MYLK: variants seen among roughly 807,000 people sequenced by gnomAD.
MYLK encodes myosin light chain kinase, smooth muscle.
A neutral mutation model predicts 203.4 loss-of-function variants in MYLK; 106 were observed. That is an observed-to-expected ratio of 0.52 (90% CI 0.45 to 0.61). The LOEUF (loss-of-function observed/expected upper bound fraction) is 0.61. Ranked by LOEUF, MYLK falls within the 20% of genes least tolerant of loss-of-function variation. The probability of loss-of-function intolerance (pLI) is 0.00; values close to 1 mark genes in which losing one functional copy is unlikely to be tolerated. For missense variants in MYLK, 2,072 were observed against 2,442.3 expected (o/e 0.85, Z 3.20); for synonymous variants, 867 against 959.5 (o/e 0.90, Z 1.78).
intron 2 of MYLK, among the ~76,000 whole-genome samples, chr3:123,869,413 A>AACC (rs1247304555): frequency 5.9e-5 from 9 of 152,244 alleles, no homozygotes; most frequent in African/African-American, 2.2e-4. Flanking sequence ...CCAGGTTCCT[A>AACC]TCCCAGTGAA....
intron 31 of MYLK, among the ~76,000 whole-genome samples, chr3:123,625,471 G>GA (rs35888792): frequency 4.3e-4 from 59 of 137,390 alleles, no homozygotes; most frequent in South Asian, 6.9e-4. Context: ...TTGTCTCGAG[G>GA]AAAAAAAAAA....
At chr3:123,684,524 G>A (rs2060381585) in intron 19 of MYLK, among the ~76,000 whole-genome samples, 1 of 152,022 alleles carries the variant, frequency 6.6e-6, no homozygotes, top group Admixed American at 6.6e-5. Flanking sequence ...GTAAAGAAAG[G>A]TGTACCCAGT....
chr3:123,670,875 T>C (rs2059893729), intron 20 of MYLK, among the ~76,000 whole-genome samples: 1 of 152,260 alleles, frequency 6.6e-6, no homozygotes, highest in Non-Finnish European at 1.5e-5. Context: ...CACAGAGGGT[T>C]CTGTTAGACA....
At chr3:123,844,132 A>G (rs963668353) in intron 2 of MYLK, among the ~76,000 whole-genome samples, 1 of 152,152 alleles carries the variant, frequency 6.6e-6, no homozygotes, top group Non-Finnish European at 1.5e-5. Flanking sequence ...CTTTAGTCAC[A>G]TAAGCCTCTC....
At chr3:123,656,629 C>T (rs952153166) in intron 24 of MYLK, among the ~76,000 whole-genome samples, 1 of 152,176 alleles carries the variant, frequency 6.6e-6, no homozygotes, top group African/African-American at 2.4e-5. Flanking sequence ...TGGAAAAATG[C>T]TCCATGCATT....
At chr3:123,723,505 C>G (rs917273176) in intron 12 of MYLK, among the ~76,000 whole-genome samples, 5 of 152,230 alleles carry the variant, frequency 3.3e-5, no homozygotes, top group Non-Finnish European at 5.9e-5. Flanking sequence ...CCAGTGTATT[C>G]CCTGACTGCC....
chr3:123,824,105 T>C (rs1560264625), intron 3 of MYLK, among the ~76,000 whole-genome samples: 3 of 151,942 alleles, frequency 2.0e-5, no homozygotes, highest in Admixed American at 6.6e-5. Context: ...TTTTTTTTTT[T>C]TGAGACGGAG....
At chr3:123,840,370 TTATATATATATA>T (rs56361020) in intron 2 of MYLK, among the ~76,000 whole-genome samples, 2 of 148,584 alleles carry the variant, frequency 1.3e-5, no homozygotes, top group Non-Finnish European at 3.0e-5. Flanking sequence ...CCTACAGACA[TTATATATATATA>T]TATATATATA....
At chr3:123,758,756 C>T (rs940834773) in intron 4 of MYLK, among the ~76,000 whole-genome samples, 1 of 152,178 alleles carries the variant, frequency 6.6e-6, no homozygotes, top group Non-Finnish European at 1.5e-5. Context: ...TTTTGATTCC[C>T]TTTTAATGAT....
chr3:123,871,011 AG>A (rs2032748053), intron 2 of MYLK, among the ~76,000 whole-genome samples: 1 of 152,150 alleles, frequency 6.6e-6, no homozygotes, highest in African/African-American at 2.4e-5. Context: ...TGGGAAGACC[AG>A]GCCACTGCTT....
At position 123,629,375 on chromosome 3, in the gene MYLK, G is replaced by A. The variant is rs1049493418; in HGVS notation, c.5114+99C>T. ...AATGCTAGGAACGACCCAAGGCGGG[G>A]TGGCAAGGAGGGCACCCCAACAGGC... is the stretch of plus-strand genomic sequence containing the variant. On this transcript the variant is annotated intron_variant, in intron 30 of 33. Transcript: ENST00000360304. The surrounding 1 kb of genome is among the most constrained non-coding windows in gnomAD (Gnocchi z 4.4). The A allele has an allele frequency of 8.9e-6, 13 of 1,458,052 alleles. No homozygotes were observed. Among genetic ancestry groups the A allele is most frequent in the Non-Finnish European group, 1.0e-5 (11 of 1,050,768 alleles). 90.3% of individuals were successfully genotyped at this position (1,458,052 alleles called of 1,614,324 possible).
intron 2 of MYLK, among the ~76,000 whole-genome samples, chr3:123,857,107 A>C (rs1246243192): frequency 1.3e-5 from 2 of 152,102 alleles, no homozygotes; most frequent in Non-Finnish European, 2.9e-5. Flanking sequence ...ATACCATCTC[A>C]CACCAGTTAG....
chr3:123,614,336 G>A lies in MYLK; in HGVS notation c.5514C>T (p.Pro1838=), dbSNP rs147536036. The stretch of plus-strand genomic sequence containing the variant: ...GGTCATCTTTGAACCAGACAACCTC[G>A]GGGTCTGGGTATCCTGCATCACAGG... The part of the protein sequence containing the change: ...FDCKIEGYPD[P]EVVWFKDDQS... Residue 1838 remains proline (P), a synonymous_variant, in exon 34 of 34, where the codon CCC becomes CCT. Coordinates refer to ENST00000360304, the MANE Select transcript of MYLK (RefSeq NM_053025.4). 67 of 1,614,152 alleles carry A rather than the reference G, an allele frequency of 4.2e-5. No individual in the cohort carries two copies. Among genetic ancestry groups the A allele is most frequent in the African/African-American group, 1.2e-4 (9 of 75,020 alleles).
intron 19 of MYLK, 137 bp from the exon 20 acceptor site, chr3:123,682,447 G>A (rs534273286): frequency 1.1e-5 from 8 of 732,828 alleles, no homozygotes; most frequent in South Asian, 4.5e-5. Flanking sequence ...GCAGAACAGC[G>A]CCTGTGTCCA....
chr3:123,665,856 C>T (rs140702891), intron 22 of MYLK, among the ~76,000 whole-genome samples: 129 of 152,306 alleles, frequency 8.5e-4, no homozygotes, highest in Middle Eastern at 3.4e-3. Flanking sequence ...GGCACAGAAT[C>T]ACAGCAAGCT....
chr3:123,704,422 C>A (rs2061370826), intron 16 of MYLK, among the ~76,000 whole-genome samples: 1 of 152,178 alleles, frequency 6.6e-6, no homozygotes, highest in Non-Finnish European at 1.5e-5. Flanking sequence ...GATGAGGCCC[C>A]ATCCCAGGAG....
chr3:123,737,668 G>C (rs543365096), intron 7 of MYLK, 125 bp from the exon 8 acceptor site: 1 of 1,293,700 alleles, frequency 7.7e-7, no homozygotes, highest in South Asian at 1.2e-5. Context: ...CTCTGCTGTG[G>C]GCCCTGTCAA....
At chr3:123,798,883 G>GA (rs906370168) in intron 3 of MYLK, among the ~76,000 whole-genome samples, 3 of 151,816 alleles carry the variant, frequency 2.0e-5, no homozygotes, top group Non-Finnish European at 4.4e-5. Flanking sequence ...TGCTCTATCA[G>GA]AAAAAAAATT....
At chr3:123,871,253 A>G (rs889599218) in intron 2 of MYLK, among the ~76,000 whole-genome samples, 5 of 152,218 alleles carry the variant, frequency 3.3e-5, no homozygotes, top group African/African-American at 1.2e-4. Context: ...GTCTCAAATC[A>G]ATGATCTAAG....
Sources: allele counts gnomAD v4.1 joint callset (sites outside exome capture counted in the v4.1 genomes callset), GRCh38; gene constraint gnomAD v4.1.1; non-coding constraint Gnocchi (gnomAD v3.1); transcripts MANE v1.5; gene names NCBI Gene and HGNC (gene_info 2026-07-23, HGNC 2026-07-21).